The following MCC variants were observed in gnomAD, a reference collection of about 807,000 sequenced individuals.
The protein encoded by MCC is MCC regulator of Wnt signaling pathway.
MCC carries 90 observed loss-of-function variants against 116.2 expected under a neutral mutation model. The ratio of observed to expected loss-of-function variants is 0.77; its 90% CI spans 0.65 to 0.92. MCC has a LOEUF of 0.92. Among genes scored for constraint, MCC ranks in the 40% least tolerant of loss-of-function variants. The pLI is 0.00. For missense variants in MCC, 1,516 were observed against 1,312.2 expected, an observed-to-expected ratio of 1.16 and a Z score of -2.40; for synonymous variants, 578 against 510.5, an observed-to-expected ratio of 1.13 and a Z score of -1.78.
chr5:113,037,079 T>G (rs983450718), intron 17 of MCC, among the ~76,000 whole-genome samples: 1 of 152,244 alleles, frequency 6.6e-6, no homozygotes, highest in Non-Finnish European at 1.5e-5. Flanking sequence ...GTCCTCCTCA[T>G]GAACCAGTGA....
At chr5:113,373,114 G>A (rs1337183781) in intron 2 of MCC, among the ~76,000 whole-genome samples, 5 of 151,834 alleles carry the variant, frequency 3.3e-5, no homozygotes, top group Non-Finnish European at 5.9e-5. Context: ...GAGAGGCGGA[G>A]CTTGCAGTGA....
intron 1 of MCC, among the ~76,000 whole-genome samples, chr5:113,478,346 T>G (rs2150434736): frequency 6.6e-6 from 1 of 152,258 alleles, no homozygotes. Flanking sequence ...AAGTGATGGT[T>G]TGGACCTCAG....
chr5:113,482,196 A>G (rs1304868069), intron 1 of MCC, among the ~76,000 whole-genome samples: 1 of 152,200 alleles, frequency 6.6e-6, no homozygotes, highest in Non-Finnish European at 1.5e-5. Context: ...TCTTTTGACT[A>G]TTATAAACAA....
chr5:113,241,779 C>G (rs948851059), intron 3 of MCC, among the ~76,000 whole-genome samples: 4 of 152,182 alleles, frequency 2.6e-5, no homozygotes, highest in African/African-American at 9.7e-5. Flanking sequence ...TTTCATTCTG[C>G]CAAATGTTGG....
chr5:113,240,279 G>A (rs1421773032), intron 3 of MCC, among the ~76,000 whole-genome samples: 1 of 152,168 alleles, frequency 6.6e-6, no homozygotes, highest in East Asian at 1.9e-4. Flanking sequence ...ATATACCCAG[G>A]CCTCAGGATC....
chr5:113,428,351 C>T (rs931309785), intron 1 of MCC, among the ~76,000 whole-genome samples: 3 of 152,138 alleles, frequency 2.0e-5, no homozygotes, highest in South Asian at 4.1e-4. Flanking sequence ...CCCTCTTTAC[C>T]GACTGAAGCA....
chr5:113,298,299 CAGA>C (rs917553109), intron 3 of MCC, among the ~76,000 whole-genome samples: 1 of 152,156 alleles, frequency 6.6e-6, no homozygotes, highest in African/African-American at 2.4e-5. Context: ...GATGCCAAGG[CAGA>C]AGGAGGAGCA....
intron 3 of MCC, among the ~76,000 whole-genome samples, chr5:113,157,802 T>A (rs758760558): frequency 1.3e-5 from 2 of 152,226 alleles, no homozygotes; most frequent in Non-Finnish European, 2.9e-5. Flanking sequence ...ATACACTGTT[T>A]TTTCCTATAC....
intron 8 of MCC, among the ~76,000 whole-genome samples, chr5:113,099,511 C>T (rs369316333): frequency 2.7e-4 from 41 of 152,362 alleles, no homozygotes; most frequent in African/African-American, 8.7e-4. Flanking sequence ...GCATTTACTA[C>T]GTGCCAGACA....
In MCC at chr5:113,488,386, G is replaced by A. The variant is rs1772617705; in HGVS notation, c.29C>T (p.Ala10Val). The part of the protein sequence containing the change: MMAAAAAAA[A>V]GSSSSGGGGG... The stretch of plus-strand genomic sequence containing the variant: ...GCCGCCGCCGCTGCTGGAGCTCCCC[G>A]CAGCCGCTGCCGCCGCGGCCGCCAT... The change falls in exon 1 of 19, where the codon GCG becomes GTG. Residue 10 changes from alanine (A) to valine (V), a missense_variant. Transcript: ENST00000408903. 1.4e-6 allele frequency: 2 copies of A among 1,420,924 alleles called. No homozygotes were observed. Among genetic ancestry groups the A allele is most frequent in the South Asian group, 1.6e-5 (1 of 61,184 alleles). The allele number at this position is 1,420,924 out of a possible 1,614,324, so 88.0% of individuals were successfully genotyped here. A position where few individuals can be genotyped will look rare whatever the true frequency, so the allele number is the denominator to read the frequency against.
intron 3 of MCC, among the ~76,000 whole-genome samples, chr5:113,188,197 T>G (rs1238232065): frequency 6.6e-6 from 1 of 152,236 alleles, no homozygotes; most frequent in East Asian, 1.9e-4. Flanking sequence ...GCAAGCCTTG[T>G]GGTTGTCTCT....
At position 113,177,777 on chromosome 5, in the gene MCC, T is replaced by C. The variant is rs140973587; in HGVS notation, c.628-26355A>G. 2.0e-5 allele frequency among the ~76,000 whole-genome samples: 3 copies of C among 152,362 alleles called. No individual in the cohort carries two copies. The East Asian group carries it at 5.8e-4, about 29-fold the overall frequency. Reference sequence around the variant, plus strand: ...ATGGCGAATTTTGTGTTATTTTCTATAGGTTTTCTCAAGTGGGTACACAGT... The same window carrying C: ...ATGGCGAATTTTGTGTTATTTTCTACAGGTTTTCTCAAGTGGGTACACAGT... On this transcript the variant is annotated intron_variant, in intron 3 of 18. Transcript: ENST00000408903.
At chr5:113,474,912 C>T (rs1772197544) in intron 1 of MCC, among the ~76,000 whole-genome samples, 1 of 152,126 alleles carries the variant, frequency 6.6e-6, no homozygotes, top group Non-Finnish European at 1.5e-5. Context: ...ACAAATAAAG[C>T]CCTCTCTTGA....
intron 8 of MCC, among the ~76,000 whole-genome samples, chr5:113,090,724 G>C (rs976509481): frequency 6.6e-6 from 1 of 152,228 alleles, no homozygotes; most frequent in Non-Finnish European, 1.5e-5. Flanking sequence ...GAGGCTTTCA[G>C]AGGTTAACAG....
intron 3 of MCC, among the ~76,000 whole-genome samples, chr5:113,260,118 A>T (rs940381431): frequency 5.3e-5 from 8 of 152,136 alleles, no homozygotes; most frequent in African/African-American, 1.9e-4. Context: ...AGTTCATCTA[A>T]CTCAGCAGTA....
At chr5:113,080,411 C>T (rs544962677) in intron 11 of MCC, among the ~76,000 whole-genome samples, 2 of 152,282 alleles carry the variant, frequency 1.3e-5, no homozygotes, top group Non-Finnish European at 2.9e-5. Context: ...CCCAAATGTC[C>T]ATCAATGATA....
chr5:113,102,428 T>C (rs981673552), intron 7 of MCC, among the ~76,000 whole-genome samples: 1 of 152,212 alleles, frequency 6.6e-6, no homozygotes, highest in Non-Finnish European at 1.5e-5. Context: ...TAGGTCACAT[T>C]ACCATTTCCA....
chr5:113,330,243 C>T (rs1420680971), intron 3 of MCC, among the ~76,000 whole-genome samples: 6 of 152,182 alleles, frequency 3.9e-5, no homozygotes, highest in Non-Finnish European at 7.4e-5. Flanking sequence ...CTCTCTGAAC[C>T]GCTTCTGGTT....
chr5:113,228,610 A>C (rs1407518069), intron 3 of MCC, among the ~76,000 whole-genome samples: 1 of 152,162 alleles, frequency 6.6e-6, no homozygotes, highest in Non-Finnish European at 1.5e-5. Context: ...TATAGATCAT[A>C]CAGGGCCCAC....
Sources: gnomAD v4.1 joint callset for allele counts (sites outside exome capture counted in the v4.1 genomes callset) on GRCh38, gnomAD v4.1.1 for gene constraint, MANE v1.5 for transcripts, NCBI Gene and HGNC (gene_info 2026-07-23, HGNC 2026-07-21) for gene names.